Variants in PLEKHS1 observed in about 807,000 individuals in gnomAD.
The protein encoded by PLEKHS1 is pleckstrin homology domain containing S1.
Under a neutral mutation model 51.0 loss-of-function variants are expected in PLEKHS1, and 55 were observed. The observed-to-expected ratio is 1.08, with a 90% CI of 0.87 to 1.35. The LOEUF is 1.35. PLEKHS1 is among the 40% of genes most tolerant of loss of function. The probability of loss-of-function intolerance (pLI) is 0.00; values close to 1 mark genes in which losing one functional copy is unlikely to be tolerated. For missense variants in PLEKHS1, 398 were observed against 423.0 expected, an observed-to-expected ratio of 0.94 and a Z score of 0.52; for synonymous variants, 153 against 144.8, an observed-to-expected ratio of 1.06 and a Z score of -0.41.
intron 11 of PLEKHS1, 55 bp downstream of exon 11, chr10:113,775,921 A>G (rs1844631309): frequency 2.3e-6 from 3 of 1,330,630 alleles, no homozygotes; most frequent in South Asian, 2.7e-5. Flanking sequence ...AGCTTTGAAG[A>G]GAACAATTAC....
intron 1 of PLEKHS1, among the ~76,000 whole-genome samples, chr10:113,754,975 G>GA (rs1028697340): frequency 1.3e-5 from 2 of 152,210 alleles, no homozygotes; most frequent in African/African-American, 4.8e-5. Flanking sequence ...TAAGAACAGA[G>GA]AAAATCCCAG....
chr10:113,777,305 A>T, intron 11 of PLEKHS1, 46 bp downstream of exon 12: 1 of 1,609,422 alleles, frequency 6.2e-7, no homozygotes, highest in African/African-American at 1.3e-5. Context: ...CAGTACCAGA[A>T]GGAAAAAGAT....
At chr10:113,771,629 C>T (rs56880493) in intron 7 of PLEKHS1, among the ~76,000 whole-genome samples, 2,859 of 147,730 alleles carry the variant, frequency 0.019, 82 homozygotes, top group African/African-American at 0.066. Flanking sequence ...GAGCCGAGAT[C>T]GCGCCACTGC....
At position 113,755,343 on chromosome 10, in the gene PLEKHS1, T is replaced by C. The variant is rs748779808; in HGVS notation, c.28+38T>C. 1.3e-4 allele frequency: 212 copies of C among 1,595,144 alleles called. No homozygotes were observed. The East Asian group carries it at 4.7e-3, about 36-fold the overall frequency. ...TATAATCGCAGAAGCAGAAATCTTT[T>C]TATTGAAAATGCCCCACGGTTTCCT... On this transcript the variant is annotated intron_variant, in intron 2 of 11. Transcript: ENST00000361048.
chr10:113,752,788 T>C (rs546007460), intron 1 of PLEKHS1, among the ~76,000 whole-genome samples: 3 of 152,308 alleles, frequency 2.0e-5, no homozygotes, highest in African/African-American at 4.8e-5. Context: ...CTGGAGCCCT[T>C]TGCAGACACT....
At chr10:113,780,750 A>T in exon 12 of PLEKHS1, 2 of 1,579,418 alleles carry the variant, frequency 1.3e-6, no homozygotes, top group Non-Finnish European at 8.6e-7. Context: ...CCGGCCATTA[A>T]AAAGAGCCAG....
exon 12 of PLEKHS1, chr10:113,780,921 AT>A: frequency 1.4e-6 from 1 of 738,206 alleles, no homozygotes; most frequent in Non-Finnish European, 2.1e-6. Context: ...GGGGATGACT[AT>A]CCCCTCTCTG....
exon 8 of PLEKHS1, chr10:113,772,002 G>A (rs750227214): frequency 6.2e-7 from 1 of 1,613,148 alleles, no homozygotes; most frequent in Admixed American, 1.7e-5. Flanking sequence ...CAGGATTTAG[G>A]CAAACTCACC....
At chr10:113,778,245 A>AAGGAG (rs1844757923) in intron 11 of PLEKHS1, among the ~76,000 whole-genome samples, 1 of 152,164 alleles carries the variant, frequency 6.6e-6, no homozygotes, top group Non-Finnish European at 1.5e-5. Flanking sequence ...ATGGAGGTGA[A>AAGGAG]AGGAGAGGAG....
chr10:113,780,354 A>G (rs370888997), intron 11 of PLEKHS1, among the ~76,000 whole-genome samples: 4 of 152,136 alleles, frequency 2.6e-5, no homozygotes, highest in Non-Finnish European at 2.9e-5. Flanking sequence ...AGCACCATCA[A>G]TGCTACCTGG....
chr10:113,775,333 T>C (rs930184478), intron 10 of PLEKHS1, among the ~76,000 whole-genome samples: 3 of 152,334 alleles, frequency 2.0e-5, no homozygotes, highest in South Asian at 2.1e-4. Flanking sequence ...GAGTAGCATG[T>C]CACTCAGTTT....
chr10:113,766,424 A>AT lies in PLEKHS1; in HGVS notation c.46dup (p.Ser16PhefsTer3), dbSNP rs1345369882. 1 of 1,578,090 alleles carries AT rather than the reference A, an allele frequency of 6.3e-7. No homozygotes were observed. On this transcript the variant is annotated frameshift_variant, in exon 3 of 12. Coordinates refer to ENST00000361048, the Ensembl canonical transcript of PLEKHS1. LOFTEE classifies it high-confidence loss of function. ...CACTTTTATTAGGCAAACAATTTACATTTTCTTATGAAAATGAAGTCTGCA... is the reference window on the plus strand; with the variant it reads ...CACTTTTATTAGGCAAACAATTTACATTTTTCTTATGAAAATGAAGTCTGCA...
At chr10:113,776,016 T>A (rs1593043427) in intron 11 of PLEKHS1, 150 bp downstream of exon 11, 1 of 543,840 alleles carries the variant, frequency 1.8e-6, no homozygotes, top group Non-Finnish European at 3.1e-6. Context: ...TACAAAAAAA[T>A]CTTTGAGGCA....
At chr10:113,775,316 C>T (rs544747861) in intron 10 of PLEKHS1, among the ~76,000 whole-genome samples, 2 of 152,270 alleles carry the variant, frequency 1.3e-5, no homozygotes, top group African/African-American at 4.8e-5. Context: ...GGGATCCACA[C>T]CAATCTGAGT....
intron 10 of PLEKHS1, 88 bp downstream of exon 10, chr10:113,775,123 T>A: frequency 8.2e-7 from 1 of 1,224,596 alleles, no homozygotes; most frequent in Non-Finnish European, 1.1e-6. Context: ...ATTTAAATTT[T>A]AAAGCTGTTC....
chr10:113,752,362 A>C (rs1241562895), intron 1 of PLEKHS1, among the ~76,000 whole-genome samples: 3 of 152,222 alleles, frequency 2.0e-5, no homozygotes, highest in Non-Finnish European at 2.9e-5. Flanking sequence ...TATACATAAA[A>C]TCTTTCATAT....
chr10:113,768,363 T>C (rs773608686), intron 5 of PLEKHS1, among the ~76,000 whole-genome samples: 2 of 152,166 alleles, frequency 1.3e-5, no homozygotes, highest in Non-Finnish European at 2.9e-5. Flanking sequence ...CTGTTTCAGA[T>C]TGACCAAAGC....
At chr10:113,762,142 G>A (rs1204777011) in intron 2 of PLEKHS1, among the ~76,000 whole-genome samples, 1 of 151,906 alleles carries the variant, frequency 6.6e-6, no homozygotes, top group East Asian at 1.9e-4. Context: ...AATATCAGTA[G>A]ACTCTGTAGA....
Position 113,765,636 on chromosome 10 carries a change from A to C in PLEKHS1, c.29-775A>C, listed in dbSNP as rs570401109. 4.3e-3 allele frequency among the ~76,000 whole-genome samples: 661 copies of C among 152,380 alleles called. 5 individuals are homozygous for C. The highest frequency in any genetic ancestry group is 0.015 in the African/African-American group (632 of 41,596). ...CTCTATAAGTGATGAAATTATAGGC[A>C]GTTTTAATATTTTCTATATTTTCTA... On this transcript the variant is annotated intron_variant, in intron 2 of 11. Transcript: ENST00000361048.
Sources: allele counts gnomAD v4.1 joint callset (sites outside exome capture counted in the v4.1 genomes callset), GRCh38; gene constraint gnomAD v4.1.1; transcripts MANE v1.5; gene names NCBI Gene and HGNC (gene_info 2026-07-23, HGNC 2026-07-21).